ACSF3: variants seen among roughly 807,000 people sequenced by gnomAD.
ACSF3 encodes the protein malonate--CoA ligase ACSF3, mitochondrial.
In ACSF3, 78 loss-of-function variants were observed where a neutral mutation model predicts 53.2. The observed-to-expected ratio is 1.47, with a 90% CI of 1.22 to 1.77. ACSF3 has a LOEUF of 1.77. Ranked by LOEUF, ACSF3 falls within the 40% of genes most tolerant of loss-of-function variation. The probability of loss-of-function intolerance (pLI) is 0.00; values close to 1 mark genes in which losing one functional copy is unlikely to be tolerated. For missense variants in ACSF3, 937 were observed against 771.1 expected (o/e 1.22, Z -2.55); for synonymous variants, 414 against 333.1 (o/e 1.24, Z -2.65).
intron 6 of ACSF3, chr16:89,114,712 CTG>C (rs1904774312): frequency 1.5e-6 from 1 of 647,482 alleles, no homozygotes; most frequent in Non-Finnish European, 2.7e-6. Flanking sequence ...GGGGAGGTGT[CTG>C]TGCTGGCCCC....
chr16:89,123,123 G>A (rs1567714883), intron 7 of ACSF3, among the ~76,000 whole-genome samples: 1 of 152,162 alleles, frequency 6.6e-6, no homozygotes, highest in African/African-American at 2.4e-5. Flanking sequence ...CCAAGGAGTC[G>A]GTGCAGCAGG....
Position 89,126,455 on chromosome 16 carries a change from G to A in ACSF3, c.1239+5542G>A, listed in dbSNP as rs1047795763. ...GGCTGATTGTTGTATTTTTAATAGA[G>A]GCAGGGTTTCACCATGTTGGCCAGG... On this transcript the variant is annotated intron_variant, in intron 7 of 10. Coordinates refer to ENST00000614302, the MANE Select transcript of ACSF3 (RefSeq NM_001243279.3). 2.8e-4 allele frequency among the ~76,000 whole-genome samples: 43 copies of A among 152,124 alleles called. 1 individual carries two copies. The highest frequency in any genetic ancestry group is 2.2e-3 in the Admixed American group (34 of 15,276).
intron 7 of ACSF3, among the ~76,000 whole-genome samples, chr16:89,125,302 C>T (rs1598008853): frequency 6.7e-6 from 1 of 149,642 alleles, no homozygotes; most frequent in East Asian, 1.9e-4. Flanking sequence ...GAGATCACGC[C>T]ACTGCACTCC....
At chr16:89,097,723 G>C (rs1156546740) in intron 1 of ACSF3, among the ~76,000 whole-genome samples, 1 of 152,122 alleles carries the variant, frequency 6.6e-6, no homozygotes, top group African/African-American at 2.4e-5. Flanking sequence ...TGGTAGCAGA[G>C]TCCAGGTGTG....
chr16:89,111,852 C>CTCT, intron 4 of ACSF3, among the ~76,000 whole-genome samples: 1 of 152,350 alleles, frequency 6.6e-6, no homozygotes, highest in East Asian at 1.9e-4. Flanking sequence ...GGCCACAGAT[C>CTCT]CCGAAGCCCT....
chr16:89,131,127 C>CTTTTTTTTTT (rs558773398), intron 7 of ACSF3, among the ~76,000 whole-genome samples: 12 of 69,546 alleles, frequency 1.7e-4, no homozygotes, highest in Non-Finnish European at 2.6e-4. Flanking sequence ...TTTTCTTTTT[C>CTTTTTTTTTT]TTTTTTTTTT....
chr16:89,100,752 C>T lies in ACSF3; in HGVS notation c.71C>T (p.Ala24Val), dbSNP rs1035298569. Residue 24 changes from alanine to valine, a missense_variant, in exon 3 of 11, where the codon GCG (alanine) becomes GTG (valine). Physicochemically the swap from Ala to Val is moderately conservative, Grantham distance 64. Coordinates refer to ENST00000614302, the MANE Select transcript of ACSF3 (RefSeq NM_001243279.3). ...TTGGCGTCCTGCCGGCTGGCGCCTG[C>T]GAGACACAGAGGAAGTGGTCTTCTG... Reference protein sequence around the residue: ...CALASCRLAPARHRGSGLLHT... With the variant: ...CALASCRLAPVRHRGSGLLHT... 13 of 1,607,204 alleles carry T rather than the reference C, an allele frequency of 8.1e-6. No individual in the cohort carries two copies. The highest frequency in any genetic ancestry group is 1.6e-4 in the Middle Eastern group (1 of 6,080).
intron 10 of ACSF3, 29 bp from the exon 11 acceptor site, chr16:89,154,061 T>C (rs1307167915): frequency 6.2e-7 from 1 of 1,604,966 alleles, no homozygotes; most frequent in Non-Finnish European, 8.5e-7. Flanking sequence ...GTCAGGGCAG[T>C]GCGCCTCAGG....
chr16:89,136,910 G>A (rs1400879980), intron 8 of ACSF3: 1 of 1,213,190 alleles, frequency 8.2e-7, no homozygotes, highest in African/African-American at 1.6e-5. Context: ...CCACAACGAT[G>A]TCTTCAGACG....
chr16:89,119,884 C>G (rs113484883), intron 6 of ACSF3, among the ~76,000 whole-genome samples: 41 of 152,346 alleles, frequency 2.7e-4, no homozygotes, highest in African/African-American at 9.1e-4. Context: ...GATGCTGACC[C>G]TTGAAGTGCC....
intron 7 of ACSF3, among the ~76,000 whole-genome samples, chr16:89,126,560 C>T (rs1240429024): frequency 2.0e-5 from 3 of 152,232 alleles, no homozygotes. Context: ...TGAGCCTCTG[C>T]ACACAGTCAC....
chr16:89,109,124 C>T (rs933692528), intron 4 of ACSF3, among the ~76,000 whole-genome samples: 9 of 148,910 alleles, frequency 6.0e-5, no homozygotes, highest in African/African-American at 2.0e-4. Flanking sequence ...CCCAGCTACT[C>T]GGGAGGCTGA....
chr16:89,155,261 CT>C lies in ACSF3; in HGVS notation c.*1056del, dbSNP rs1306040953. ...ATCGCCCAGCAGTGTCTGGCCTGAA[CT>C]TACCCAGAACATTCTGCCCCCGGAA... On this transcript the variant is annotated 3_prime_UTR_variant, in exon 11 of 11. Coordinates refer to ENST00000614302, the MANE Select transcript of ACSF3 (RefSeq NM_001243279.3). The C allele has an allele frequency of 2.2e-6, 1 of 454,152 alleles. No homozygotes were observed. Among genetic ancestry groups the C allele is most frequent in the African/African-American group, 2.0e-5 (1 of 50,130 alleles). 28.1% of individuals were successfully genotyped at this position (454,152 alleles called of 1,614,324 possible).
intron 1 of ACSF3, among the ~76,000 whole-genome samples, 164 bp from the exon 2 acceptor site, chr16:89,098,427 C>T (rs568946422): frequency 1.1e-4 from 17 of 152,330 alleles, no homozygotes; most frequent in African/African-American, 4.1e-4. Context: ...CATGGGGTCA[C>T]TGCTGCCCGT....
chr16:89,101,044 G>A lies in ACSF3; in HGVS notation c.363G>A (p.Val121=), dbSNP rs777642279. Residue 121 remains valine, a synonymous_variant, in exon 3 of 11, where the codon GTG becomes GTA. Coordinates refer to ENST00000614302, the MANE Select transcript of ACSF3 (RefSeq NM_001243279.3). ...GGGCGTCATGGATGAGTGGCGGTGT[G>A]GCAGTCCCCCTCTACAGGAAGCATC... ...AQWASWMSGG[V]AVPLYRKHPA... 1.9e-6 allele frequency: 3 copies of A among 1,614,032 alleles called. No individual in the cohort carries two copies. In the South Asian group the frequency reaches 3.3e-5, roughly 18 times the overall value.
intron 7 of ACSF3, among the ~76,000 whole-genome samples, chr16:89,131,259 G>A (rs1209180674): frequency 6.7e-6 from 1 of 148,920 alleles, no homozygotes; most frequent in Non-Finnish European, 1.5e-5. Flanking sequence ...CCAAGTAGCT[G>A]GGACTACAAG....
chr16:89,101,405 T>C, intron 3 of ACSF3, 58 bp downstream of exon 3: 1 of 1,548,492 alleles, frequency 6.5e-7, no homozygotes. Context: ...CCGGGTGGGC[T>C]CCGGGCCAGA....
Position 89,145,933 on chromosome 16 carries a change from C to T in ACSF3, c.1502-5C>T, listed in dbSNP as rs577763495. ...CATGTTCTCAAACTGTTCTTCTATCCGCAGATGTGGCTGTGATTGGAGTTC... is the reference window on the plus strand; with the variant it reads ...CATGTTCTCAAACTGTTCTTCTATCTGCAGATGTGGCTGTGATTGGAGTTC... On this transcript the variant is annotated splice_polypyrimidine_tract_variant and splice_region_variant and intron_variant, in intron 9 of 10. Coordinates refer to ENST00000614302, the MANE Select transcript of ACSF3 (RefSeq NM_001243279.3). 37 of 1,612,754 alleles carry T rather than the reference C, an allele frequency of 2.3e-5. No homozygotes were observed. The highest frequency in any genetic ancestry group is 4.4e-5 in the South Asian group (4 of 91,058).
intron 3 of ACSF3, among the ~76,000 whole-genome samples, chr16:89,101,914 C>T (rs1341909366): frequency 1.3e-5 from 2 of 152,240 alleles, no homozygotes; most frequent in African/African-American, 4.8e-5. Context: ...GCCATGAGCA[C>T]ACAGCAGGCT....
Sources: allele counts gnomAD v4.1 joint callset (sites outside exome capture counted in the v4.1 genomes callset), GRCh38; gene constraint gnomAD v4.1.1; transcripts MANE v1.5; gene names NCBI Gene and HGNC (gene_info 2026-07-23, HGNC 2026-07-21).